The following PRKAR2B variants were observed in gnomAD, a reference collection of about 807,000 sequenced individuals.
PRKAR2B encodes the protein protein kinase cAMP-dependent type II regulatory subunit beta.
In PRKAR2B, 14 loss-of-function variants were observed where a neutral mutation model predicts 49.9. The ratio of observed to expected loss-of-function variants is 0.28; its 90% confidence interval spans 0.19 to 0.44. The LOEUF is 0.44. Ranked by LOEUF, PRKAR2B falls within the 20% of genes least tolerant of loss-of-function variation. The pLI is 1.00. For missense variants in PRKAR2B, 393 were observed against 537.9 expected (o/e 0.73, Z 2.67); for synonymous variants, 196 against 197.7 (o/e 0.99, Z 0.07).
At position 107,096,598 on chromosome 7, in the gene PRKAR2B, A is replaced by G. The variant is rs553620617; in HGVS notation, c.344-25354A>G. Among the ~76,000 whole-genome samples the G allele has an allele frequency of 7.9e-5, 12 of 151,256 alleles. No homozygotes were observed. In the East Asian group the frequency reaches 2.3e-3, roughly 29 times the overall value. On this transcript the variant is annotated intron_variant, in intron 2 of 10. Coordinates refer to ENST00000265717, the MANE Select transcript of PRKAR2B (RefSeq NM_002736.3). ...TGCTTCTCTAGTTCTTTTAATTGTG[A>G]TGTTAGGGTGTCAATTTTAGATCTT...
intron 2 of PRKAR2B, among the ~76,000 whole-genome samples, chr7:107,088,435 G>A (rs1794661224): frequency 6.6e-6 from 1 of 152,154 alleles, no homozygotes; most frequent in Non-Finnish European, 1.5e-5. Flanking sequence ...GAAAGGAGAT[G>A]TTGTGTGTAA....
intron 1 of PRKAR2B, among the ~76,000 whole-genome samples, chr7:107,063,767 C>G (rs1794073568): frequency 6.6e-6 from 1 of 152,094 alleles, no homozygotes; most frequent in South Asian, 2.1e-4. Flanking sequence ...TCAAAGTCTC[C>G]CTCCTGCCTT....
At position 107,159,598 on chromosome 7, in the gene PRKAR2B, C is replaced by T. The variant is rs755455418; in HGVS notation, c.*16C>T. On this transcript the variant is annotated 3_prime_UTR_variant, in exon 11 of 11. Coordinates refer to ENST00000265717, the MANE Select transcript of PRKAR2B (RefSeq NM_002736.3). ...CACTGCATGAAGCAAAAGTATGGAG[C>T]AAGACCTGTAGTGACAAAATTACAC... is the stretch of plus-strand genomic sequence containing the variant. 3 of 1,613,712 alleles carry T rather than the reference C, an allele frequency of 1.9e-6. No individual in the cohort carries two copies. In the Admixed American group the frequency reaches 5.0e-5, roughly 27 times the overall value.
intron 2 of PRKAR2B, among the ~76,000 whole-genome samples, chr7:107,085,859 C>T (rs1794609260): frequency 6.6e-6 from 1 of 152,082 alleles, no homozygotes; most frequent in Non-Finnish European, 1.5e-5. Flanking sequence ...TTTTTAGGTA[C>T]AAATACCTGC....
intron 1 of PRKAR2B, among the ~76,000 whole-genome samples, chr7:107,048,987 A>C (rs1253234784): frequency 6.6e-6 from 1 of 152,206 alleles, no homozygotes; most frequent in African/African-American, 2.4e-5. Flanking sequence ...GTCCTAGAGA[A>C]AGCAAATACA....
At chr7:107,106,303 G>A (rs994167073) in intron 2 of PRKAR2B, among the ~76,000 whole-genome samples, 11 of 152,248 alleles carry the variant, frequency 7.2e-5, no homozygotes, top group African/African-American at 1.7e-4. Context: ...TCTGGATCTG[G>A]AACTGCATCG....
At chr7:107,078,225 G>GAA (rs1794444000) in intron 2 of PRKAR2B, 1 of 143,494 alleles carries the variant, frequency 7.0e-6, no homozygotes, top group African/African-American at 2.7e-5. Context: ...AAAGAAAAAA[G>GAA]AAAAGAAAAG....
chr7:107,158,751 C>T (rs1162781641), intron 10 of PRKAR2B, among the ~76,000 whole-genome samples: 1 of 152,124 alleles, frequency 6.6e-6, no homozygotes, highest in Admixed American at 6.6e-5. Flanking sequence ...TGCCATAATG[C>T]CCATTCACCC....
chr7:107,090,305 A>AT (rs1794712821), intron 2 of PRKAR2B, among the ~76,000 whole-genome samples: 1 of 152,166 alleles, frequency 6.6e-6, no homozygotes, highest in Non-Finnish European at 1.5e-5. Context: ...GAGCATCGCC[A>AT]CTGCAGTTCC....
At chr7:107,101,878 T>C (rs75750122) in intron 2 of PRKAR2B, among the ~76,000 whole-genome samples, 17 of 57,264 alleles carry the variant, frequency 3.0e-4, no homozygotes, top group Non-Finnish European at 1.1e-4. Flanking sequence ...CCTGATCCTT[T>C]TTTTTTTTTT....
intron 1 of PRKAR2B, among the ~76,000 whole-genome samples, chr7:107,052,814 C>G (rs1363595182): frequency 6.6e-6 from 1 of 152,152 alleles, no homozygotes; most frequent in Admixed American, 6.5e-5. Flanking sequence ...ACCTTAGAAA[C>G]TCAGTACATT....
intron 3 of PRKAR2B, among the ~76,000 whole-genome samples, chr7:107,127,045 A>G (rs948166302): frequency 2.6e-5 from 4 of 152,254 alleles, no homozygotes; most frequent in East Asian, 1.9e-4. Context: ...TAGCAATACT[A>G]TAAGTTTCCC....
At chr7:107,105,862 T>C (rs1258402927) in intron 2 of PRKAR2B, among the ~76,000 whole-genome samples, 4 of 152,204 alleles carry the variant, frequency 2.6e-5, no homozygotes, top group South Asian at 2.1e-4. Context: ...AGAAGAGTGC[T>C]TAAGGCAGTT....
chr7:107,046,531 G>T (rs1236827157), intron 1 of PRKAR2B, among the ~76,000 whole-genome samples: 1 of 152,188 alleles, frequency 6.6e-6, no homozygotes, highest in Non-Finnish European at 1.5e-5. Flanking sequence ...AGTGAAGCTT[G>T]TTACTTACAA....
intron 2 of PRKAR2B, among the ~76,000 whole-genome samples, chr7:107,099,966 GT>G (rs899348518): frequency 6.6e-6 from 1 of 152,020 alleles, no homozygotes; most frequent in Non-Finnish European, 1.5e-5. Context: ...TGGGTTGCTT[GT>G]TTTTGTTGTT....
At chr7:107,126,545 A>G (rs1429772907) in intron 3 of PRKAR2B, among the ~76,000 whole-genome samples, 4 of 152,140 alleles carry the variant, frequency 2.6e-5, no homozygotes, top group Admixed American at 1.3e-4. Flanking sequence ...AGAGAAAGAC[A>G]TAAAGTTGAC....
At chr7:107,158,179 T>G (rs1796131080) in intron 10 of PRKAR2B, among the ~76,000 whole-genome samples, 1 of 151,690 alleles carries the variant, frequency 6.6e-6, no homozygotes, top group Non-Finnish European at 1.5e-5. Context: ...TAAAGGTGAG[T>G]GAGTGAAAGT....
chr7:107,128,781 G>A (rs1358252129), intron 4 of PRKAR2B: 2 of 135,058 alleles, frequency 1.5e-5, no homozygotes, highest in Non-Finnish European at 3.2e-5. Flanking sequence ...TTGGCTTTAA[G>A]GTGAGGTTTT....
intron 2 of PRKAR2B, among the ~76,000 whole-genome samples, chr7:107,075,206 G>A (rs893977389): frequency 1.3e-5 from 2 of 151,464 alleles, no homozygotes; most frequent in Non-Finnish European, 2.9e-5. Flanking sequence ...GGGTTCAAGC[G>A]ATTCTTCTGC....
Sources: gnomAD v4.1 joint callset for allele counts (sites outside exome capture counted in the v4.1 genomes callset) on GRCh38, gnomAD v4.1.1 for gene constraint, MANE v1.5 for transcripts, NCBI Gene and HGNC (gene_info 2026-07-23, HGNC 2026-07-21) for gene names.